Variants in WHAMM observed in about 807,000 individuals in gnomAD.
WHAMM encodes WASP homolog-associated protein with actin, membranes and microtubules.
In WHAMM, 67 loss-of-function variants were observed where a neutral mutation model predicts 76.5. The observed-to-expected ratio is 0.88, with a 90% CI of 0.72 to 1.07. WHAMM has a LOEUF of 1.07. WHAMM is among the 50% of genes least tolerant of loss of function. WHAMM has a pLI of 0.00. For missense variants in WHAMM, 1,021 were observed against 1,051.1 expected, an observed-to-expected ratio of 0.97 and a Z score of 0.40; for synonymous variants, 419 against 422.1, an observed-to-expected ratio of 0.99 and a Z score of 0.09.
chr15:82,826,251 A>G (rs2050931045), intron 6 of WHAMM, 159 bp from the exon 7 acceptor site: 1 of 648,458 alleles, frequency 1.5e-6, no homozygotes. Flanking sequence ...AACCCTCATC[A>G]TAGACTGCGG....
At position 82,831,034 on chromosome 15, in the gene WHAMM, CCTG is replaced by C. The variant is rs1367822459; in HGVS notation, c.2081_2083del (p.Ala694del). 2 of 1,610,856 alleles carry C rather than the reference CCTG, an allele frequency of 1.2e-6. No homozygotes were observed. The highest frequency in any genetic ancestry group is 1.3e-5 in the African/African-American group (1 of 74,762). On this transcript the variant is annotated inframe_deletion, in exon 9 of 10. Transcript: ENST00000286760. Reference sequence around the variant, plus strand: ...GCCACGTCCTCTAGTGTGCGAATCACCTGCTGAGCGACCACGTGACTCCTTGGA... The same window carrying C: ...GCCACGTCCTCTAGTGTGCGAATCACCTGAGCGACCACGTGACTCCTTGGA...
chr15:82,828,193 G>GTT (rs1315898562), intron 8 of WHAMM, among the ~76,000 whole-genome samples: 2 of 152,174 alleles, frequency 1.3e-5, no homozygotes, highest in Non-Finnish European at 2.9e-5. Flanking sequence ...TTGTGAGATA[G>GTT]TTTCATCACC....
chr15:82,823,834 G>A (rs567226368), intron 6 of WHAMM, among the ~76,000 whole-genome samples: 26 of 152,208 alleles, frequency 1.7e-4, no homozygotes, highest in African/African-American at 5.8e-4. Flanking sequence ...CCAAAGTGCT[G>A]GGATTACAGG....
intron 5 of WHAMM, among the ~76,000 whole-genome samples, chr15:82,822,007 A>G (rs866524379): frequency 6.6e-6 from 1 of 152,330 alleles, no homozygotes; most frequent in Middle Eastern, 3.4e-3. Context: ...AATTACATTA[A>G]AAAAAGAAGT....
chr15:82,828,004 A>G (rs1770080593), intron 8 of WHAMM, among the ~76,000 whole-genome samples: 2 of 152,150 alleles, frequency 1.3e-5, no homozygotes, highest in South Asian at 2.1e-4. Context: ...TACTGACTGT[A>G]AAACATAGAC....
chr15:82,816,958 C>A, intron 3 of WHAMM, 116 bp downstream of exon 3: 1 of 1,046,922 alleles, frequency 9.6e-7, no homozygotes, highest in Non-Finnish European at 1.4e-6. Flanking sequence ...GCTGAGAATT[C>A]AGTGTCAAGC....
At chr15:82,810,781 G>A (rs2151554623) in intron 1 of WHAMM, 1 of 983,548 alleles carries the variant, frequency 1.0e-6, no homozygotes, top group South Asian at 4.7e-5. Context: ...ATGGCTTTTA[G>A]GAGATAGGGT....
chr15:82,810,329 G>C lies in WHAMM; in HGVS notation c.603G>C (p.Leu201=). Residue 201 remains leucine, a synonymous_variant, in exon 1 of 10, where the codon CTG becomes CTC. Coordinates refer to ENST00000286760, the MANE Select transcript of WHAMM (RefSeq NM_001080435.3). ...GGTGGGTCGAGGCGGACGCGCGGCTGCGCCAGGTAAGCGAGGCCCGGTCGC... is the reference window on the plus strand; with the variant it reads ...GGTGGGTCGAGGCGGACGCGCGGCTCCGCCAGGTAAGCGAGGCCCGGTCGC... ...RARWVEADAR[L]RQVIQGHGKA... The C allele has an allele frequency of 7.6e-7, 1 of 1,312,698 alleles. No individual in the cohort carries two copies. Among genetic ancestry groups the C allele is most frequent in the East Asian group, 3.1e-5 (1 of 31,764 alleles). 81.3% of individuals were successfully genotyped at this position (1,312,698 alleles called of 1,614,324 possible). A position where few individuals can be genotyped will look rare whatever the true frequency, so the allele number is the denominator to read the frequency against.
At chr15:82,828,458 A>G (rs1192571079) in intron 8 of WHAMM, among the ~76,000 whole-genome samples, 1 of 152,198 alleles carries the variant, frequency 6.6e-6, no homozygotes, top group Non-Finnish European at 1.5e-5. Context: ...AAGGAGCTGC[A>G]TGAATACCAG....
Position 82,810,329 on chromosome 15 carries a change from G to T in WHAMM, c.603G>T (p.Leu201=). ...RARWVEADAR[L]RQVIQGHGKA... ...GGTGGGTCGAGGCGGACGCGCGGCT[G>T]CGCCAGGTAAGCGAGGCCCGGTCGC... The change falls in exon 1 of 10, where the codon CTG becomes CTT. Residue 201 remains leucine, a synonymous_variant. Transcript: ENST00000286760. 1 of 1,312,698 alleles carries T rather than the reference G, an allele frequency of 7.6e-7. No individual in the cohort carries two copies. The highest frequency in any genetic ancestry group is 9.6e-7 in the Non-Finnish European group (1 of 1,036,902). 81.3% of individuals were successfully genotyped at this position (1,312,698 alleles called of 1,614,324 possible).
chr15:82,835,824 C>G lies in WHAMM; in HGVS notation c.*2288C>G, dbSNP rs1259955564. ...TGGCTGTGGCCCAGGCCTCCTTCCCCACCACAGACAGGCCAGGCTCAGCAT... is the reference window on the plus strand; with the variant it reads ...TGGCTGTGGCCCAGGCCTCCTTCCCGACCACAGACAGGCCAGGCTCAGCAT... On this transcript the variant is annotated 3_prime_UTR_variant, in exon 10 of 10. Transcript: ENST00000286760. The G allele has an allele frequency of 1.3e-5, 2 of 152,260 alleles. No homozygotes were observed. Among genetic ancestry groups the G allele is most frequent in the African/African-American group, 4.8e-5 (2 of 41,468 alleles). 9.4% of individuals were successfully genotyped at this position (152,260 alleles called of 1,614,324 possible).
chr15:82,817,214 C>G (rs578003285), intron 3 of WHAMM, among the ~76,000 whole-genome samples: 1 of 152,166 alleles, frequency 6.6e-6, no homozygotes, highest in African/African-American at 2.4e-5. Context: ...AGGAGTATTC[C>G]GGGCAGAAGG....
chr15:82,815,155 A>ATATATATATATAAAAT lies in WHAMM; in HGVS notation c.784-1537_784-1536insTATATATATATAAAAT, dbSNP rs55807384. Reference sequence around the variant, plus strand: ...TATATATATATATATATATATATATAGTACAATTCAGTGATTTTTAGTATA... The same window carrying ATATATATATATAAAAT: ...TATATATATATATATATATATATATATATATATATATAAAATGTACAATTCAGTGATTTTTAGTATA... On this transcript the variant is annotated intron_variant, in intron 2 of 9. Coordinates refer to ENST00000286760, the MANE Select transcript of WHAMM (RefSeq NM_001080435.3). 6.5e-5 allele frequency among the ~76,000 whole-genome samples: 3 copies of ATATATATATATAAAAT among 46,148 alleles called. 1 individual carries two copies. Among genetic ancestry groups the ATATATATATATAAAAT allele is most frequent in the East Asian group, 1.3e-3 (2 of 1,548 alleles). The allele number at this position is 46,148 out of a possible 152,430, so 30.3% of individuals were successfully genotyped here.
intron 5 of WHAMM, among the ~76,000 whole-genome samples, chr15:82,822,302 T>TA (rs35499552): frequency 3.9e-5 from 6 of 152,190 alleles, no homozygotes; most frequent in Admixed American, 3.9e-4. Context: ...AAGGAAGTGA[T>TA]AAAAAGTGTA....
chr15:82,813,585 T>C (rs2050667277), intron 2 of WHAMM, among the ~76,000 whole-genome samples: 1 of 151,404 alleles, frequency 6.6e-6, no homozygotes, highest in African/African-American at 2.4e-5. Context: ...TTTACGTTGG[T>C]CATCTTAATA....
chr15:82,823,809 G>T (rs1386207104), intron 6 of WHAMM, among the ~76,000 whole-genome samples: 1 of 152,028 alleles, frequency 6.6e-6, no homozygotes, highest in Non-Finnish European at 1.5e-5. Context: ...CAAGTGATCC[G>T]CCCACCTTGG....
In WHAMM at chr15:82,833,717, T is replaced by A; in HGVS notation, c.*181T>A. The A allele has an allele frequency of 3.1e-6, 2 of 637,082 alleles. No individual in the cohort carries two copies. The highest frequency in any genetic ancestry group is 5.2e-6 in the Non-Finnish European group (2 of 383,926). The allele number at this position is 637,082 out of a possible 1,614,324, so 39.5% of individuals were successfully genotyped here. A position where few individuals can be genotyped will look rare whatever the true frequency, so the allele number is the denominator to read the frequency against. ...TTTTTTTTTCTTTTTTGAGATGGAGTCTCACTCTGTCGCCCAGGCTGGGGT... is the reference window on the plus strand; with the variant it reads ...TTTTTTTTTCTTTTTTGAGATGGAGACTCACTCTGTCGCCCAGGCTGGGGT... On this transcript the variant is annotated 3_prime_UTR_variant, in exon 10 of 10. Transcript: ENST00000286760.
Position 82,810,292 on chromosome 15 carries a change from C to G in WHAMM, c.566C>G (p.Ala189Gly), listed in dbSNP as rs778881520. 3.0e-6 allele frequency: 4 copies of G among 1,347,078 alleles called. No individual in the cohort carries two copies. In the African/African-American group the frequency reaches 4.6e-5, roughly 16 times the overall value. The allele number at this position is 1,347,078 out of a possible 1,614,324, so 83.4% of individuals were successfully genotyped here. A position where few individuals can be genotyped will look rare whatever the true frequency, so the allele number is the denominator to read the frequency against. Residue 189 changes from alanine to glycine, a missense_variant, in exon 1 of 10, where the codon GCC becomes GGC. Around this residue, in one of 3 missense-constraint regions of WHAMM, gnomAD observed 501 missense variants for 524.9 expected, o/e 0.95. Coordinates refer to ENST00000286760, the MANE Select transcript of WHAMM (RefSeq NM_001080435.3). Reference sequence around the variant, plus strand: ...AGCCCGCGCGAGTTCCGGGAGCGGGCCTTGCGCGCGCGGTGGGTCGAGGCG... The same window carrying G: ...AGCCCGCGCGAGTTCCGGGAGCGGGGCTTGCGCGCGCGGTGGGTCGAGGCG... Reference protein sequence around the residue: ...CESPREFRERALRARWVEADA... With the variant: ...CESPREFRERGLRARWVEADA...
intron 2 of WHAMM, 53 bp downstream of exon 2, chr15:82,813,329 A>G (rs1313374666): frequency 1.5e-6 from 2 of 1,355,088 alleles, no homozygotes; most frequent in African/African-American, 1.5e-5. Flanking sequence ...GTCATAAATT[A>G]TTTCTTTATT....
Sources: allele counts gnomAD v4.1 joint callset (sites outside exome capture counted in the v4.1 genomes callset), GRCh38; gene constraint gnomAD v4.1.1; regional missense constraint gnomAD v4.1.1; transcripts MANE v1.5; gene names NCBI Gene and HGNC (gene_info 2026-07-23, HGNC 2026-07-21).